DIAPH3: variants seen among roughly 807,000 people sequenced by gnomAD.
The protein encoded by DIAPH3 is protein diaphanous homolog 3.
Under a neutral mutation model 144.3 loss-of-function variants are expected in DIAPH3, and 117 were observed. The ratio of observed to expected loss-of-function variants is 0.81; its 90% CI spans 0.70 to 0.95. DIAPH3 has a LOEUF of 0.95. DIAPH3 is among the 40% of genes least tolerant of loss of function. DIAPH3 has a pLI of 0.00. For missense variants in DIAPH3, 1,421 were observed against 1,412.7 expected, an observed-to-expected ratio of 1.01 and a Z score of -0.09; for synonymous variants, 519 against 488.9, an observed-to-expected ratio of 1.06 and a Z score of -0.81.
chr13:59,790,215 T>A (rs769891133), intron 25 of DIAPH3, among the ~76,000 whole-genome samples: 2 of 152,170 alleles, frequency 1.3e-5, no homozygotes, highest in African/African-American at 4.8e-5. Context: ...ACTGAGGCAA[T>A]AGAGGTGAAG....
intron 20 of DIAPH3, among the ~76,000 whole-genome samples, chr13:59,882,548 G>A (rs1040385051): frequency 6.6e-6 from 1 of 152,166 alleles, no homozygotes; most frequent in Non-Finnish European, 1.5e-5. Context: ...TTTGCATTCT[G>A]TTTTCCTGCT....
chr13:59,968,937 C>T (rs1294585250), intron 17 of DIAPH3, among the ~76,000 whole-genome samples: 1 of 152,168 alleles, frequency 6.6e-6, no homozygotes, highest in Non-Finnish European at 1.5e-5. Flanking sequence ...CCATCCAGTA[C>T]AATCTCTCCC....
intron 12 of DIAPH3, among the ~76,000 whole-genome samples, chr13:59,989,472 G>T (rs1231371373): frequency 2.0e-5 from 3 of 151,744 alleles, no homozygotes; most frequent in African/African-American, 4.8e-5. Flanking sequence ...TGATGGAGTT[G>T]TCTTGAGTCT....
At chr13:60,142,611 G>A (rs1479654197) in intron 1 of DIAPH3, among the ~76,000 whole-genome samples, 3 of 152,238 alleles carry the variant, frequency 2.0e-5, no homozygotes, top group Non-Finnish European at 2.9e-5. Flanking sequence ...GCGAGTCCCA[G>A]CAACAGGGAC....
intron 2 of DIAPH3, among the ~76,000 whole-genome samples, chr13:60,121,041 T>C (rs188135598): frequency 7.6e-4 from 116 of 152,344 alleles, no homozygotes; most frequent in Non-Finnish European, 8.4e-4. Flanking sequence ...TAAATTTTAA[T>C]ATATCAATAA....
chr13:59,712,909 C>T (rs191720264), intron 27 of DIAPH3, among the ~76,000 whole-genome samples: 2 of 152,238 alleles, frequency 1.3e-5, no homozygotes, highest in Admixed American at 1.3e-4. Flanking sequence ...TGAAACCATT[C>T]CACTTCATAT....
At chr13:59,877,589 T>C (rs1478298516) in intron 21 of DIAPH3, among the ~76,000 whole-genome samples, 1 of 152,184 alleles carries the variant, frequency 6.6e-6, no homozygotes, top group Non-Finnish European at 1.5e-5. Context: ...ATATGTTTCA[T>C]GGCAACAGTA....
intron 17 of DIAPH3, among the ~76,000 whole-genome samples, chr13:59,938,609 G>C (rs879572761): frequency 7.3e-6 from 1 of 137,808 alleles, no homozygotes; most frequent in Non-Finnish European, 1.6e-5. Context: ...ACCTTGTTTG[G>C]AAAAAAAAAA....
At chr13:59,755,429 T>C (rs917122723) in intron 27 of DIAPH3, among the ~76,000 whole-genome samples, 5 of 152,012 alleles carry the variant, frequency 3.3e-5, no homozygotes, top group African/African-American at 1.2e-4. Flanking sequence ...TTAGAAGAAA[T>C]AGAATTTAAA....
At chr13:59,919,605 C>T (rs183227207) in intron 18 of DIAPH3, among the ~76,000 whole-genome samples, 2 of 152,082 alleles carry the variant, frequency 1.3e-5, no homozygotes, top group Admixed American at 6.5e-5. Flanking sequence ...CCCAGACAAA[C>T]AGAAGCTAAG....
chr13:60,138,785 G>GGAACA lies in DIAPH3; in HGVS notation c.181-5797_181-5796insTGTTC, dbSNP rs1555383955. 3.9e-5 allele frequency among the ~76,000 whole-genome samples: 3 copies of GGAACA among 76,050 alleles called. No homozygotes were observed. In the Admixed American group the frequency reaches 5.9e-4, roughly 15 times the overall value. The allele number at this position is 76,050 out of a possible 152,430, so 49.9% of individuals were successfully genotyped here. ...AGAAGGAGAAGGAGAAGGAGAAGAAGGGGAAGAGGGAAGAGGGAAGAGGGA... is the reference window on the plus strand; with the variant it reads ...AGAAGGAGAAGGAGAAGGAGAAGAAGGAACAGGGAAGAGGGAAGAGGGAAGAGGGA... On this transcript the variant is annotated intron_variant, in intron 1 of 27. Coordinates refer to ENST00000400324, the MANE Select transcript of DIAPH3 (RefSeq NM_001042517.2).
intron 2 of DIAPH3, among the ~76,000 whole-genome samples, chr13:60,122,641 T>C (rs1276484608): frequency 3.3e-5 from 5 of 152,114 alleles, no homozygotes; most frequent in Non-Finnish European, 7.4e-5. Context: ...ATATTTTAAA[T>C]AAAAAATAAT....
At position 59,900,030 on chromosome 13, in the gene DIAPH3, A is replaced by G. The variant is rs372018237; in HGVS notation, c.2367+11705T>C. 6.6e-5 allele frequency among the ~76,000 whole-genome samples: 10 copies of G among 152,334 alleles called. No homozygotes were observed. The East Asian group carries it at 1.7e-3, about 26-fold the overall frequency. The stretch of plus-strand genomic sequence containing the variant: ...AAGGGAAAAAGAGTAACAAAAGCTC[A>G]TAAGAGAATTCATTCAGAGCTCAAT... On this transcript the variant is annotated intron_variant, in intron 20 of 27. Coordinates refer to ENST00000400324, the MANE Select transcript of DIAPH3 (RefSeq NM_001042517.2).
chr13:59,817,111 G>T (rs1405527104), intron 24 of DIAPH3, among the ~76,000 whole-genome samples: 1 of 151,778 alleles, frequency 6.6e-6, no homozygotes, highest in Non-Finnish European at 1.5e-5. Context: ...AATGTATTGA[G>T]ATTTCATGGT....
In DIAPH3 at chr13:59,970,061, AC is replaced by A; in HGVS notation, c.1960-4del. ...TCAGTCATTTCATGAGGTCTGATCT[AC>A]AATCAGAGAGAAGACTGATTCATCA... On this transcript the variant is annotated splice_polypyrimidine_tract_variant and splice_region_variant and intron_variant, in intron 16 of 27. Coordinates refer to ENST00000400324, the MANE Select transcript of DIAPH3 (RefSeq NM_001042517.2). 2 of 1,533,698 alleles carry A rather than the reference AC, an allele frequency of 1.3e-6. No homozygotes were observed. Among genetic ancestry groups the A allele is most frequent in the Non-Finnish European group, 9.0e-7 (1 of 1,113,422 alleles).
intron 5 of DIAPH3, among the ~76,000 whole-genome samples, chr13:60,022,811 T>C (rs954126400): frequency 1.3e-5 from 2 of 152,220 alleles, no homozygotes; most frequent in African/African-American, 4.8e-5. Flanking sequence ...TCACCCTCTA[T>C]TCCTACTTTT....
intron 20 of DIAPH3, among the ~76,000 whole-genome samples, chr13:59,904,521 C>G (rs984350839): frequency 6.6e-6 from 1 of 152,072 alleles, no homozygotes; most frequent in African/African-American, 2.4e-5. Flanking sequence ...GTCAGTGAAA[C>G]ATATTTAGGG....
chr13:60,130,259 T>C (rs1413782884), intron 2 of DIAPH3, among the ~76,000 whole-genome samples: 1 of 152,208 alleles, frequency 6.6e-6, no homozygotes, highest in Non-Finnish European at 1.5e-5. Flanking sequence ...TTCTCAAATC[T>C]CTACAGCAAC....
At chr13:60,100,814 A>C (rs1407191652) in intron 3 of DIAPH3, among the ~76,000 whole-genome samples, 1 of 152,112 alleles carries the variant, frequency 6.6e-6, no homozygotes, top group Non-Finnish European at 1.5e-5. Flanking sequence ...CCCCTAAATA[A>C]AAAGAAGAGG....
Sources: allele counts gnomAD v4.1 joint callset (sites outside exome capture counted in the v4.1 genomes callset), GRCh38; gene constraint gnomAD v4.1.1; transcripts MANE v1.5; gene names NCBI Gene and HGNC (gene_info 2026-07-23, HGNC 2026-07-21).